The following VDAC1 variants were observed in gnomAD, a reference collection of about 807,000 sequenced individuals.
The protein encoded by VDAC1 is voltage dependent anion channel 1.
VDAC1 carries 10 observed loss-of-function variants against 34.7 expected under a neutral mutation model. The ratio of observed to expected loss-of-function variants is 0.29; its 90% CI spans 0.18 to 0.49. VDAC1 has a LOEUF of 0.49. Among genes scored for constraint, VDAC1 ranks in the 20% least tolerant of loss-of-function variants. The pLI is 0.99. For missense variants in VDAC1, 230 were observed against 347.9 expected (o/e 0.66, Z 2.69); for synonymous variants, 130 against 136.0 (o/e 0.96, Z 0.30).
At chr5:134,050,955 T>G in the VDAC1 span, among the ~76,000 whole-genome samples, 4 of 152,204 alleles carry the variant, frequency 2.6e-5, no homozygotes, top group Non-Finnish European at 5.9e-5. Context: ...TGGCGGTTCT[T>G]GAGGGCATGT....
chr5:134,047,816 C>T, the VDAC1 span, among the ~76,000 whole-genome samples: 5 of 152,130 alleles, frequency 3.3e-5, no homozygotes, highest in Admixed American at 1.3e-4. Context: ...GGGGATGTCG[C>T]GGGGCAGGTC....
At chr5:134,064,325 A>G in the VDAC1 span, among the ~76,000 whole-genome samples, 1 of 150,826 alleles carries the variant, frequency 6.6e-6, no homozygotes, top group Admixed American at 6.6e-5. Context: ...TTTTTGAGAG[A>G]GAGAGAGTCT....
chr5:134,056,325 C>T, the VDAC1 span, among the ~76,000 whole-genome samples: 2 of 149,796 alleles, frequency 1.3e-5, no homozygotes, highest in African/African-American at 2.5e-5. Flanking sequence ...TAAATCAGTA[C>T]ATAAAGATGT....
At chr5:133,976,075 C>G in intron 6 of VDAC1, 54 bp from the exon 7 acceptor site, 28 of 1,607,328 alleles carry the variant, frequency 1.7e-5, no homozygotes, top group Non-Finnish European at 2.4e-5. Context: ...GAGCTGCAGC[C>G]CAGACAGATC....
the VDAC1 span, among the ~76,000 whole-genome samples, chr5:134,070,558 C>T: frequency 6.6e-6 from 1 of 152,152 alleles, no homozygotes; most frequent in African/African-American, 2.4e-5. Context: ...AATCCCAGCA[C>T]CCAGAGAGAA....
At chr5:134,023,502 C>A in the VDAC1 span, among the ~76,000 whole-genome samples, 1 of 148,224 alleles carries the variant, frequency 6.7e-6, no homozygotes, top group African/African-American at 2.5e-5. Flanking sequence ...AAAAAGACAA[C>A]CCTCTTCTGG....
the VDAC1 span, among the ~76,000 whole-genome samples, chr5:134,024,512 G>A: frequency 7.0e-6 from 1 of 142,020 alleles, no homozygotes; most frequent in Non-Finnish European, 1.5e-5. Context: ...CTGGGCGAGA[G>A]AGTGAGACCC....
chr5:134,001,666 G>A (rs928413224), intron 1 of VDAC1, among the ~76,000 whole-genome samples: 4 of 146,684 alleles, frequency 2.7e-5, no homozygotes, highest in African/African-American at 1.0e-4. Flanking sequence ...GCAGGGAGCC[G>A]AGATTGCACC....
At chr5:134,008,992 C>T (rs1753794162), upstream of VDAC1, among the ~76,000 whole-genome samples, 1 of 152,016 alleles carries the variant, frequency 6.6e-6, no homozygotes, top group African/African-American at 2.4e-5. Flanking sequence ...CCCAGCTGGG[C>T]CTCCAGGTTC....
At chr5:134,094,594 G>C in the VDAC1 span, among the ~76,000 whole-genome samples, 1 of 151,928 alleles carries the variant, frequency 6.6e-6, no homozygotes. Context: ...CTAGTCGGGA[G>C]GCTGAGGTAG....
the VDAC1 span, among the ~76,000 whole-genome samples, chr5:134,092,692 A>T: frequency 6.6e-6 from 1 of 151,734 alleles, no homozygotes; most frequent in South Asian, 2.1e-4. Flanking sequence ...AAAAAAAAAA[A>T]GATGTGTTGG....
At chr5:134,035,260 T>C in the VDAC1 span, among the ~76,000 whole-genome samples, 1 of 152,160 alleles carries the variant, frequency 6.6e-6, no homozygotes, top group Non-Finnish European at 1.5e-5. Flanking sequence ...TGTTTTGTTT[T>C]TGAGACAAGT....
the VDAC1 span, among the ~76,000 whole-genome samples, chr5:134,034,431 T>A: frequency 2.6e-5 from 4 of 152,018 alleles, no homozygotes; most frequent in African/African-American, 9.7e-5. Flanking sequence ...CAGTGTTCTC[T>A]GGAGAGAAAG....
At chr5:134,006,748 C>CCA (rs1554093774), upstream of VDAC1, among the ~76,000 whole-genome samples, 13 of 80,188 alleles carry the variant, frequency 1.6e-4, 1 homozygote, top group South Asian at 5.6e-4. Flanking sequence ...CCCCCCCCCC[C>CCA]AAAAAAAAAA....
At chr5:134,102,561 G>T in the VDAC1 span, among the ~76,000 whole-genome samples, 1 of 151,952 alleles carries the variant, frequency 6.6e-6, no homozygotes, top group Non-Finnish European at 1.5e-5. Flanking sequence ...CCAGCTACTC[G>T]GGAGGCTGAG....
chr5:134,052,516 G>A, the VDAC1 span, among the ~76,000 whole-genome samples: 2 of 151,906 alleles, frequency 1.3e-5, no homozygotes, highest in East Asian at 1.9e-4. Flanking sequence ...GGCTGGTCTC[G>A]AACTCCTGGG....
upstream of VDAC1, among the ~76,000 whole-genome samples, chr5:134,009,407 C>T (rs921385912): frequency 1.9e-4 from 28 of 150,898 alleles, no homozygotes; most frequent in East Asian, 3.9e-4. Context: ...TACAGGTACA[C>T]GACACCATGC....
the VDAC1 span, among the ~76,000 whole-genome samples, chr5:134,042,142 G>A: frequency 6.6e-6 from 1 of 152,204 alleles, no homozygotes; most frequent in African/African-American, 2.4e-5. Flanking sequence ...GCGTGGGAAG[G>A]TCGGAAGCAG....
At chr5:134,022,107 G>C in the VDAC1 span, among the ~76,000 whole-genome samples, 1 of 152,132 alleles carries the variant, frequency 6.6e-6, no homozygotes, top group Non-Finnish European at 1.5e-5. Flanking sequence ...TCAAACTCCT[G>C]ACCTCAGGTG....
Sources: allele counts gnomAD v4.1 joint callset (sites outside exome capture counted in the v4.1 genomes callset), GRCh38; gene constraint gnomAD v4.1.1; transcripts MANE v1.5; gene names NCBI Gene and HGNC (gene_info 2026-07-23, HGNC 2026-07-21).